The following ATP10B variants were observed in gnomAD, a reference collection of about 807,000 sequenced individuals.
ATP10B encodes the protein phospholipid-transporting ATPase VB.
In ATP10B, 122 loss-of-function variants were observed where a neutral mutation model predicts 141.2. The observed-to-expected ratio is 0.86, with a 90% confidence interval of 0.75 to 1.00. The LOEUF is 1.00. Ranked by LOEUF, ATP10B falls within the 50% of genes least tolerant of loss-of-function variation. ATP10B has a pLI of 0.00. For synonymous variants in ATP10B, 685 were observed against 692.0 expected, an observed-to-expected ratio of 0.99 and a Z score of 0.16; for missense variants, 1,876 against 1,825.3, an observed-to-expected ratio of 1.03 and a Z score of -0.51.
Position 160,785,306 on chromosome 5 carries a change from A to G in ATP10B, c.-331+253T>C, listed in dbSNP as rs527293780. Among the ~76,000 whole-genome samples the G allele has an allele frequency of 3.9e-5, 6 of 152,202 alleles. No individual in the cohort carries two copies. In the South Asian group the frequency reaches 1.2e-3, roughly 32 times the overall value. On this transcript the variant is annotated intron_variant, in intron 2 of 25. Transcript: ENST00000327245. ...AGTGATATATAATTTGACAGGTCCT[A>G]TGTTGTCTGGGGAATATATACAATG...
intron 7 of ATP10B, among the ~76,000 whole-genome samples, chr5:160,652,255 T>C (rs2127692646): frequency 6.6e-6 from 1 of 152,126 alleles, no homozygotes; most frequent in Middle Eastern, 3.4e-3. Flanking sequence ...CTGGGCTCTC[T>C]TCTTCAGTTG....
Position 160,565,901 on chromosome 5 carries a change from C to T in ATP10B, c.3939-1G>A. On this transcript the variant is annotated splice_acceptor_variant, in intron 25 of 25. Coordinates refer to ENST00000327245, the MANE Select transcript of ATP10B (RefSeq NM_025153.3). LOFTEE classifies it high-confidence loss of function. ...TCCTTGCAGAGACAGGAAAAAGTAT[C>T]TGGTGGGAAACAACAGAATAAAGAT... 1 of 1,605,090 alleles carries T rather than the reference C, an allele frequency of 6.2e-7. No individual in the cohort carries two copies. The highest frequency in any genetic ancestry group is 1.3e-5 in the African/African-American group (1 of 74,262).
the ATP10B span, among the ~76,000 whole-genome samples, chr5:160,902,992 G>A: frequency 6.6e-6 from 1 of 152,236 alleles, no homozygotes; most frequent in South Asian, 2.1e-4. Context: ...GTGGATGCCA[G>A]CACTGGATTT....
At chr5:160,735,994 A>G (rs1383956011) in intron 2 of ATP10B, among the ~76,000 whole-genome samples, 2 of 152,204 alleles carry the variant, frequency 1.3e-5, no homozygotes, top group African/African-American at 2.4e-5. Flanking sequence ...CAAAAGCATT[A>G]CTAAGAGGGA....
At chr5:160,832,895 G>C (rs1775186768) in intron 1 of ATP10B, among the ~76,000 whole-genome samples, 1 of 152,090 alleles carries the variant, frequency 6.6e-6, no homozygotes, top group Non-Finnish European at 1.5e-5. Flanking sequence ...GCATGGGCTG[G>C]CATGACACAT....
intron 3 of ATP10B, among the ~76,000 whole-genome samples, chr5:160,703,030 A>T (rs558497045): frequency 1.4e-4 from 21 of 152,318 alleles, no homozygotes; most frequent in African/African-American, 5.1e-4. Context: ...GTTGGGGTCA[A>T]CTAGAAGATC....
At chr5:160,821,372 A>G (rs1774090311) in intron 1 of ATP10B, among the ~76,000 whole-genome samples, 1 of 152,094 alleles carries the variant, frequency 6.6e-6, no homozygotes, top group Non-Finnish European at 1.5e-5. Flanking sequence ...AATAAGATAC[A>G]AAAAAAGCAA....
At chr5:160,687,654 A>G (rs1763839422) in intron 5 of ATP10B, 146 bp downstream of exon 5, 1 of 954,250 alleles carries the variant, frequency 1.0e-6, no homozygotes, top group Non-Finnish European at 1.6e-6. Flanking sequence ...GGTCCCAGCT[A>G]TTTGGGAGGC....
Position 160,565,575 on chromosome 5 carries a change from A to G in ATP10B, c.4264T>C (p.Ser1422Pro), listed in dbSNP as rs780117790. 9 of 1,613,956 alleles carry G rather than the reference A, an allele frequency of 5.6e-6. No homozygotes were observed. Among genetic ancestry groups the G allele is most frequent in the Middle Eastern group, 1.6e-4 (1 of 6,084 alleles). The change falls in exon 26 of 26, where the codon TCA becomes CCA. Residue 1422 changes from serine to proline, a missense_variant. Ser to Pro is a moderately conservative substitution (Grantham distance 74, BLOSUM62 -1). Coordinates refer to ENST00000327245, the MANE Select transcript of ATP10B (RefSeq NM_025153.3). Reference protein sequence around the residue: ...SCSGDSSAQLSSGEHLLGPNR... With the variant: ...SCSGDSSAQLPSGEHLLGPNR... ...GGTCCCAGCAGGTGCTCCCCGGATG[A>G]GAGTTGAGCTGAGGAGTCCCCTGAG...
the ATP10B span, among the ~76,000 whole-genome samples, chr5:160,925,047 C>T: frequency 6.6e-5 from 10 of 152,282 alleles, no homozygotes; most frequent in East Asian, 3.9e-4. Flanking sequence ...GACAGGACAC[C>T]GATAATTACC....
chr5:160,743,477 A>T (rs1323715799), intron 2 of ATP10B, among the ~76,000 whole-genome samples: 1 of 152,148 alleles, frequency 6.6e-6, no homozygotes, highest in African/African-American at 2.4e-5. Context: ...TGGGAAGAAA[A>T]ATCTGACGAA....
At position 160,842,437 on chromosome 5, in the gene ATP10B, G is replaced by A. The variant is rs150281476; in HGVS notation, c.-576+9504C>T. Reference sequence around the variant, plus strand: ...ACAAGAAGATAAAAAAATAAAGAGCGAATGGAACCCAACAAATGTAAACGG... The same window carrying A: ...ACAAGAAGATAAAAAAATAAAGAGCAAATGGAACCCAACAAATGTAAACGG... On this transcript the variant is annotated intron_variant, in intron 1 of 25. Coordinates refer to ENST00000327245, the MANE Select transcript of ATP10B (RefSeq NM_025153.3). 1.9e-3 allele frequency among the ~76,000 whole-genome samples: 292 copies of A among 151,962 alleles called. 4 individuals carry two copies. The highest frequency in any genetic ancestry group is 0.014 in the Admixed American group (215 of 15,240).
chr5:160,716,096 T>C (rs1765638670), intron 3 of ATP10B, among the ~76,000 whole-genome samples: 1 of 152,316 alleles, frequency 6.6e-6, no homozygotes, highest in Admixed American at 6.5e-5. Context: ...TGAAGCAATT[T>C]GCACACGTGC....
the ATP10B span, among the ~76,000 whole-genome samples, chr5:160,926,696 T>A: frequency 6.6e-6 from 1 of 152,218 alleles, no homozygotes; most frequent in South Asian, 2.1e-4. Flanking sequence ...GGAGGAAGCA[T>A]CACTAGGCTG....
intron 1 of ATP10B, among the ~76,000 whole-genome samples, chr5:160,803,455 A>T (rs890042769): frequency 2.0e-5 from 3 of 152,210 alleles, no homozygotes; most frequent in Non-Finnish European, 4.4e-5. Context: ...AGGAGGGCAG[A>T]TCACAAGGTC....
At chr5:160,819,777 T>TA (rs1175709626) in intron 1 of ATP10B, among the ~76,000 whole-genome samples, 3 of 152,152 alleles carry the variant, frequency 2.0e-5, no homozygotes, top group Non-Finnish European at 4.4e-5. Flanking sequence ...TAATGGGTTA[T>TA]AAGACAGTAT....
chr5:160,784,336 T>C (rs1043960554), intron 2 of ATP10B, among the ~76,000 whole-genome samples: 2 of 152,190 alleles, frequency 1.3e-5, no homozygotes, highest in African/African-American at 4.8e-5. Flanking sequence ...TAGAATGAAC[T>C]ACTGCAGGTA....
chr5:160,631,599 T>C (rs2127661728), intron 13 of ATP10B, among the ~76,000 whole-genome samples: 1 of 152,396 alleles, frequency 6.6e-6, no homozygotes, highest in Middle Eastern at 3.4e-3. Context: ...CCATTTTTCT[T>C]CAAACACACA....
chr5:160,864,719 TA>T, the ATP10B span, among the ~76,000 whole-genome samples: 33 of 152,124 alleles, frequency 2.2e-4, no homozygotes, highest in African/African-American at 7.9e-4. Flanking sequence ...ATGAATTCAG[TA>T]AAGTCTCAGG....
Sources: allele counts gnomAD v4.1 joint callset (sites outside exome capture counted in the v4.1 genomes callset), GRCh38; gene constraint gnomAD v4.1.1; transcripts MANE v1.5; gene names NCBI Gene and HGNC (gene_info 2026-07-23, HGNC 2026-07-21).